The following CYRIB variants were observed in gnomAD, a reference collection of about 807,000 sequenced individuals.
CYRIB encodes CYFIP related Rac1 interactor B.
CYRIB carries 8 observed loss-of-function variants against 44.2 expected under a neutral mutation model. The ratio of observed to expected loss-of-function variants is 0.18; its 90% CI spans 0.11 to 0.33. The LOEUF (loss-of-function observed/expected upper bound fraction) is 0.33, where lower values mean the gene tolerates loss of function less well. CYRIB is among the 10% of genes least tolerant of loss of function. The probability of loss-of-function intolerance (pLI) is 1.00; values close to 1 mark genes in which losing one functional copy is unlikely to be tolerated. For missense variants in CYRIB, 185 were observed against 382.8 expected, an observed-to-expected ratio of 0.48 and a Z score of 4.31; for synonymous variants, 131 against 127.2, an observed-to-expected ratio of 1.03 and a Z score of -0.20.
intron 1 of CYRIB, among the ~76,000 whole-genome samples, chr8:130,010,849 G>A (rs1230753545): frequency 6.6e-6 from 1 of 152,176 alleles, no homozygotes; most frequent in Non-Finnish European, 1.5e-5. Context: ...TGCACTCAAA[G>A]TATGGTCTAC....
intron 2 of CYRIB, among the ~76,000 whole-genome samples, chr8:129,901,027 C>T (rs1360565357): frequency 1.3e-5 from 2 of 152,226 alleles, no homozygotes; most frequent in Admixed American, 6.5e-5. Flanking sequence ...GGCAGGCACT[C>T]GCCAAGGCTT....
At chr8:129,938,809 GA>G (rs1057335851) in intron 1 of CYRIB, among the ~76,000 whole-genome samples, 1 of 151,754 alleles carries the variant, frequency 6.6e-6, no homozygotes, top group Non-Finnish European at 1.5e-5. Context: ...AGTCTTCCAT[GA>G]AAAAAATAAA....
chr8:129,839,795 T>TA (rs1371356705), exon 12 of CYRIB: 2 of 152,228 alleles, frequency 1.3e-5, no homozygotes, highest in African/African-American at 2.4e-5. Context: ...TCTGTCCACT[T>TA]ACTCCTCAAC....
chr8:129,883,112 C>CAAAAAAAAAAAAAAAAAAAA (rs34764499), intron 2 of CYRIB, among the ~76,000 whole-genome samples: 3 of 41,254 alleles, frequency 7.3e-5, no homozygotes, highest in African/African-American at 2.9e-4. Flanking sequence ...GACTCCCTCT[C>CAAAAAAAAAAAAAAAAAAAA]AAAAAAAAAA....
intron 4 of CYRIB, among the ~76,000 whole-genome samples, chr8:129,863,781 T>C (rs2051534200): frequency 6.6e-6 from 1 of 152,210 alleles, no homozygotes. Flanking sequence ...TACATATTTT[T>C]TTGTCTTTAT....
At chr8:130,005,980 C>T (rs2097051563) in intron 1 of CYRIB, among the ~76,000 whole-genome samples, 1 of 152,012 alleles carries the variant, frequency 6.6e-6, no homozygotes, top group Non-Finnish European at 1.5e-5. Flanking sequence ...GGGACCTCTG[C>T]ATCAGAATCA....
chr8:129,959,663 A>T (rs1005701078), intron 2 of CYRIB, among the ~76,000 whole-genome samples: 1 of 152,048 alleles, frequency 6.6e-6, no homozygotes, highest in Non-Finnish European at 1.5e-5. Context: ...AAGAGATAAT[A>T]CTTTTACCCA....
chr8:129,952,987 A>G (rs139566001), intron 2 of CYRIB, among the ~76,000 whole-genome samples: 1 of 152,172 alleles, frequency 6.6e-6, no homozygotes, highest in Non-Finnish European at 1.5e-5. Flanking sequence ...TCTGTTGATC[A>G]GCTGCTTTGG....
At chr8:129,880,569 A>G (rs2060478631) in intron 2 of CYRIB, 1 of 307,482 alleles carries the variant, frequency 3.3e-6, no homozygotes, top group Non-Finnish European at 4.8e-6. Context: ...GCAGGTTTAT[A>G]TGCTTTTGGC....
chr8:130,015,831 T>G (rs923636263), intron 1 of CYRIB, among the ~76,000 whole-genome samples: 6 of 152,094 alleles, frequency 3.9e-5, no homozygotes, highest in Admixed American at 2.6e-4. Context: ...CACAGGCGGG[T>G]GGCTACCCCA....
chr8:129,943,061 A>G (rs1246346230), upstream of CYRIB, among the ~76,000 whole-genome samples: 1 of 150,702 alleles, frequency 6.6e-6, no homozygotes, highest in African/African-American at 2.5e-5. Flanking sequence ...GATTCACTCA[A>G]TCAACACACA....
chr8:130,007,793 GCAACAA>G (rs66922126), intron 1 of CYRIB, among the ~76,000 whole-genome samples: 9,708 of 151,796 alleles, frequency 0.064, 982 homozygotes, highest in African/African-American at 0.22. Flanking sequence ...TCCAAAAACA[GCAACAA>G]CAACAAAGTA....
intron 4 of CYRIB, among the ~76,000 whole-genome samples, chr8:129,863,479 C>T (rs1433865457): frequency 6.6e-6 from 1 of 151,042 alleles, no homozygotes; most frequent in Non-Finnish European, 1.5e-5. Context: ...GAGCCGAGAT[C>T]ATGCCATTGC....
chr8:129,944,813 A>T (rs1354228894), upstream of CYRIB, among the ~76,000 whole-genome samples: 1 of 151,908 alleles, frequency 6.6e-6, no homozygotes, highest in East Asian at 1.9e-4. Context: ...AAATAAATAA[A>T]TAAATGCACA....
At chr8:129,964,260 C>T (rs1591305684) in intron 2 of CYRIB, among the ~76,000 whole-genome samples, 1 of 152,304 alleles carries the variant, frequency 6.6e-6, no homozygotes, top group African/African-American at 2.4e-5. Context: ...ACGAGGACAT[C>T]GCAGGACAAA....
At chr8:129,882,383 T>C (rs949863898) in intron 2 of CYRIB, among the ~76,000 whole-genome samples, 2 of 152,184 alleles carry the variant, frequency 1.3e-5, no homozygotes, top group African/African-American at 4.8e-5. Flanking sequence ...ACTGACTCAG[T>C]GTCTGGCACA....
At chr8:129,945,997 ACTT>A (rs571210816) in intron 2 of CYRIB, among the ~76,000 whole-genome samples, 1 of 152,214 alleles carries the variant, frequency 6.6e-6, no homozygotes, top group South Asian at 2.1e-4. Context: ...AAGACAATCT[ACTT>A]CTCGGAAATG....
intron 1 of CYRIB, among the ~76,000 whole-genome samples, chr8:129,933,673 T>C (rs1432496151): frequency 6.6e-6 from 1 of 152,120 alleles, no homozygotes; most frequent in Non-Finnish European, 1.5e-5. Flanking sequence ...AGGTCAGAAG[T>C]TCTGAGACCT....
intron 7 of CYRIB, among the ~76,000 whole-genome samples, chr8:129,852,615 A>G (rs2043915759): frequency 6.6e-6 from 1 of 152,220 alleles, no homozygotes; most frequent in Non-Finnish European, 1.5e-5. Context: ...CATCCATGGT[A>G]AGATTCTAAC....
Sources: gnomAD v4.1 joint callset for allele counts (sites outside exome capture counted in the v4.1 genomes callset) on GRCh38, gnomAD v4.1.1 for gene constraint, MANE v1.5 for transcripts, NCBI Gene and HGNC (gene_info 2026-07-23, HGNC 2026-07-21) for gene names.